Variants in PTPN9 observed in about 807,000 individuals in gnomAD.
The protein encoded by PTPN9 is protein tyrosine phosphatase non-receptor type 9, also known as tyrosine-protein phosphatase non-receptor type 9.
A neutral mutation model predicts 69.8 loss-of-function variants in PTPN9; 26 were observed. The ratio of observed to expected loss-of-function variants is 0.37; its 90% CI spans 0.27 to 0.52. The LOEUF (loss-of-function observed/expected upper bound fraction) is 0.52. Among genes scored for constraint, PTPN9 ranks in the 20% least tolerant of loss-of-function variants. The pLI, the probability that PTPN9 is intolerant of heterozygous loss-of-function variation, is 0.91. For missense variants in PTPN9, 549 were observed against 740.3 expected (o/e 0.74, Z 3.00); for synonymous variants, 274 against 272.5 (o/e 1.01, Z -0.05).
At chr15:75,508,855 T>A (rs1368960612) in intron 6 of PTPN9, 62 bp downstream of exon 6, 1 of 1,287,006 alleles carries the variant, frequency 7.8e-7, no homozygotes, top group African/African-American at 1.5e-5. Flanking sequence ...GGTAGAAAAT[T>A]AATTGGCAGG....
rs370858438 is a variant in PTPN9, at chr15:75,533,748, C to T, written c.64-6487G>A. ...AGCAGGGTACACCCTGGACACAATT[C>T]ATTAGTGTTGAAATAATGGTATCAG... On this transcript the variant is annotated intron_variant, in intron 1 of 12. Transcript: ENST00000618819. Among the ~76,000 whole-genome samples, 6 of 152,260 alleles carry T rather than the reference C, an allele frequency of 3.9e-5. No homozygotes were observed. In the East Asian group the frequency reaches 7.7e-4, roughly 20 times the overall value.
chr15:75,504,125 G>A (rs2074796992), intron 7 of PTPN9, among the ~76,000 whole-genome samples: 2 of 127,088 alleles, frequency 1.6e-5, no homozygotes, highest in Non-Finnish European at 3.4e-5. Context: ...CGGGAGGGAG[G>A]TGGGGAGGTC....
intron 5 of PTPN9, among the ~76,000 whole-genome samples, chr15:75,514,195 TCAG>T (rs2074857912): frequency 6.6e-6 from 1 of 150,882 alleles, no homozygotes; most frequent in African/African-American, 2.4e-5. Flanking sequence ...TTTGGATTTC[TCAG>T]GAATGATTTC....
At chr15:75,507,722 G>A (rs1374447478) in intron 6 of PTPN9, among the ~76,000 whole-genome samples, 3 of 151,604 alleles carry the variant, frequency 2.0e-5, no homozygotes, top group Admixed American at 6.6e-5. Context: ...AGCCGAGATC[G>A]CTTCACTGCA....
intron 4 of PTPN9, among the ~76,000 whole-genome samples, chr15:75,521,109 C>A (rs2074902594): frequency 6.6e-6 from 1 of 151,960 alleles, no homozygotes; most frequent in Admixed American, 6.6e-5. Flanking sequence ...CCTGGCCTCC[C>A]AAAGTGTTGG....
At chr15:75,505,610 C>CTGTT (rs1393711047) in intron 7 of PTPN9, 65 bp downstream of exon 7, 10 of 1,247,716 alleles carry the variant, frequency 8.0e-6, no homozygotes, top group Non-Finnish European at 1.1e-5. Flanking sequence ...GTGGAAGGAG[C>CTGTT]TGTTGCCAGA....
chr15:75,486,505 G>A (rs769861525), intron 8 of PTPN9, among the ~76,000 whole-genome samples: 8 of 152,154 alleles, frequency 5.3e-5, no homozygotes, highest in Non-Finnish European at 7.3e-5. Flanking sequence ...GGACTTCCCA[G>A]ACTCCACAAT....
chr15:75,529,432 C>T (rs2141323459), intron 1 of PTPN9, among the ~76,000 whole-genome samples: 1 of 152,250 alleles, frequency 6.6e-6, no homozygotes, highest in East Asian at 1.9e-4. Context: ...ACCTCTATTC[C>T]CAATCAACCC....
At chr15:75,469,752 C>T (rs2141668605) in intron 12 of PTPN9, 40 bp downstream of exon 12, 1 of 1,595,378 alleles carries the variant, frequency 6.3e-7, no homozygotes, top group Non-Finnish European at 8.6e-7. Context: ...TCCACCCCTA[C>T]TGCCCCTGCA....
At chr15:75,513,517 A>G in intron 5 of PTPN9, 1 of 411,922 alleles carries the variant, frequency 2.4e-6, no homozygotes, top group Non-Finnish European at 4.8e-6. Flanking sequence ...CTGTAATCCC[A>G]GGACTTTGAG....
Position 75,576,395 on chromosome 15 carries a change from C to A in PTPN9, c.63+2319G>T, listed in dbSNP as rs565935252. On this transcript the variant is annotated intron_variant, in intron 1 of 12. Coordinates refer to ENST00000618819, the MANE Select transcript of PTPN9 (RefSeq NM_002833.4). Reference sequence around the variant, plus strand: ...ACTAAAAATACAAAAATTAGCTGGGCATGGTGGGTACCTGTAATCCCAGAT... The same window carrying A: ...ACTAAAAATACAAAAATTAGCTGGGAATGGTGGGTACCTGTAATCCCAGAT... 5.9e-5 allele frequency among the ~76,000 whole-genome samples: 9 copies of A among 151,504 alleles called. No individual in the cohort carries two copies. In the East Asian group the frequency reaches 1.7e-3, roughly 29 times the overall value.
chr15:75,526,572 A>G (rs1426783343), intron 2 of PTPN9, among the ~76,000 whole-genome samples: 2 of 152,184 alleles, frequency 1.3e-5, no homozygotes, highest in South Asian at 2.1e-4. Context: ...ACCAAAGTCT[A>G]TGCCCCCTCA....
chr15:75,557,347 C>T (rs866959794), intron 1 of PTPN9, among the ~76,000 whole-genome samples: 2 of 152,022 alleles, frequency 1.3e-5, no homozygotes, highest in Middle Eastern at 6.8e-3. Context: ...ATCTCTTGAA[C>T]CTGGGAGGCG....
At chr15:75,504,639 T>C (rs1465121374) in intron 7 of PTPN9, among the ~76,000 whole-genome samples, 2 of 106,326 alleles carry the variant, frequency 1.9e-5, no homozygotes, top group Non-Finnish European at 1.9e-5. Context: ...GGGAGGGAGG[T>C]GGGGGGGTCA....
intron 5 of PTPN9, among the ~76,000 whole-genome samples, chr15:75,511,149 C>T (rs1356537014): frequency 2.6e-5 from 4 of 152,178 alleles, no homozygotes; most frequent in Non-Finnish European, 5.9e-5. Context: ...CACTTGTACA[C>T]ATTGGTTGTT....
At chr15:75,555,471 A>G (rs2075072956) in intron 1 of PTPN9, among the ~76,000 whole-genome samples, 1 of 151,824 alleles carries the variant, frequency 6.6e-6, no homozygotes, top group African/African-American at 2.4e-5. Flanking sequence ...GAAAATGTGC[A>G]TTTTTGTTTT....
At chr15:75,547,668 CT>C (rs71440250) in intron 1 of PTPN9, among the ~76,000 whole-genome samples, 47,924 of 141,082 alleles carry the variant, frequency 0.34, 8,582 homozygotes, top group African/African-American at 0.52. Flanking sequence ...ATATAGGGTT[CT>C]TTTTTTTTTT....
intron 5 of PTPN9, chr15:75,512,949 G>A (rs2074851536): frequency 5.1e-6 from 2 of 394,206 alleles, no homozygotes; most frequent in Middle Eastern, 9.6e-4. Flanking sequence ...ACAGATACCA[G>A]TTAGCCTTTG....
At chr15:75,530,630 T>G (rs1267723545) in intron 1 of PTPN9, among the ~76,000 whole-genome samples, 1 of 73,992 alleles carries the variant, frequency 1.4e-5, no homozygotes, top group East Asian at 3.8e-4. Context: ...TATTATTATA[T>G]TATAATATAC....
Sources: gnomAD v4.1 joint callset for allele counts (sites outside exome capture counted in the v4.1 genomes callset) on GRCh38, gnomAD v4.1.1 for gene constraint, MANE v1.5 for transcripts, NCBI Gene and HGNC (gene_info 2026-07-23, HGNC 2026-07-21) for gene names.